Variants in PDE11A observed in about 807,000 individuals in gnomAD.
PDE11A encodes the protein dual 3',5'-cyclic-AMP and -GMP phosphodiesterase 11A.
In PDE11A, 100 loss-of-function variants were observed where a neutral mutation model predicts 100.5. That is an observed-to-expected ratio of 1.00 (90% CI 0.85 to 1.18). PDE11A has a LOEUF of 1.18. Ranked by LOEUF, PDE11A falls within the 50% of genes most tolerant of loss-of-function variation. PDE11A has a pLI of 0.00. For missense variants in PDE11A, 1,141 were observed against 1,152.6 expected, an observed-to-expected ratio of 0.99 and a Z score of 0.15; for synonymous variants, 381 against 420.8, an observed-to-expected ratio of 0.91 and a Z score of 1.16.
At chr2:177,856,606 T>G (rs1278664165) in intron 5 of PDE11A, among the ~76,000 whole-genome samples, 1 of 151,788 alleles carries the variant, frequency 6.6e-6, no homozygotes, top group African/African-American at 2.4e-5. Flanking sequence ...AAGAAATTAT[T>G]TAAAAGAACC....
chr2:177,662,774 A>C (rs1559132045), intron 19 of PDE11A, among the ~76,000 whole-genome samples: 1 of 152,226 alleles, frequency 6.6e-6, no homozygotes. Context: ...TATAAAACAA[A>C]AATGAATTTA....
intron 2 of PDE11A, among the ~76,000 whole-genome samples, chr2:178,080,134 G>T (rs775496711): frequency 1.3e-5 from 2 of 152,268 alleles, no homozygotes; most frequent in Middle Eastern, 6.8e-3. Context: ...TTGTGCAGAA[G>T]CTCTTTAGCT....
intron 2 of PDE11A, among the ~76,000 whole-genome samples, chr2:178,096,683 G>A (rs1480421772): frequency 6.6e-6 from 1 of 152,206 alleles, no homozygotes; most frequent in African/African-American, 2.4e-5. Context: ...ATTTACTGCA[G>A]TTCCTGATAA....
intron 5 of PDE11A, among the ~76,000 whole-genome samples, chr2:177,858,302 G>A (rs937271246): frequency 5.9e-5 from 9 of 151,670 alleles, no homozygotes; most frequent in Non-Finnish European, 1.2e-4. Context: ...CCATCAGAGT[G>A]AACAGGCAAC....
rs904049018 is a variant in PDE11A at position 178,038,152 on chromosome 2, A to G, written c.913-23692T>C. Among the ~76,000 whole-genome samples the G allele has an allele frequency of 2.4e-4, 37 of 152,192 alleles. 1 individual carries two copies. Among genetic ancestry groups the G allele is most frequent in the African/African-American group, 8.2e-4 (34 of 41,452 alleles). The stretch of plus-strand genomic sequence containing the variant: ...TATAATTGAAATAAAAAAACTGTAC[A>G]TATTTAACATATATGATTTTATTAG... On this transcript the variant is annotated intron_variant, in intron 1 of 19. Coordinates refer to ENST00000286063, the MANE Select transcript of PDE11A (RefSeq NM_016953.4).
chr2:177,789,743 T>C (rs1363356292), intron 9 of PDE11A, among the ~76,000 whole-genome samples: 4 of 151,994 alleles, frequency 2.6e-5, no homozygotes, highest in Admixed American at 1.3e-4. Flanking sequence ...TATACACCAA[T>C]AACAGACAAA....
chr2:178,082,724 G>A (rs1267587986), intron 2 of PDE11A, among the ~76,000 whole-genome samples: 1 of 152,218 alleles, frequency 6.6e-6, no homozygotes, highest in East Asian at 1.9e-4. Flanking sequence ...CAAGGGTGAT[G>A]TTTTTGCTCT....
chr2:177,718,719 A>AT (rs2105435920), intron 12 of PDE11A, among the ~76,000 whole-genome samples: 1 of 152,266 alleles, frequency 6.6e-6, no homozygotes, highest in Non-Finnish European at 1.5e-5. Flanking sequence ...GTTGGCTTAA[A>AT]TTTTTTCCTT....
intron 5 of PDE11A, among the ~76,000 whole-genome samples, chr2:177,841,483 T>C (rs2105625992): frequency 6.6e-6 from 1 of 152,346 alleles, no homozygotes; most frequent in South Asian, 2.1e-4. Context: ...AACTGCACTA[T>C]ATGTAAGAAA....
At chr2:178,062,450 G>T (rs1249522644) in intron 1 of PDE11A, among the ~76,000 whole-genome samples, 1 of 152,124 alleles carries the variant, frequency 6.6e-6, no homozygotes, top group Non-Finnish European at 1.5e-5. Context: ...ACAGGGAAGT[G>T]TGAGTAGCCA....
At chr2:177,908,814 A>C (rs2084831306) in intron 2 of PDE11A, among the ~76,000 whole-genome samples, 3 of 152,214 alleles carry the variant, frequency 2.0e-5, no homozygotes, top group African/African-American at 7.2e-5. Context: ...GTCAATCACA[A>C]ATCTCTTCAT....
intron 4 of PDE11A, among the ~76,000 whole-genome samples, chr2:177,887,408 T>C (rs191900971): frequency 6.6e-6 from 1 of 152,176 alleles, no homozygotes; most frequent in African/African-American, 2.4e-5. Flanking sequence ...AACATTTCAT[T>C]CTTGATTAAC....
chr2:177,847,867 G>C (rs1455442777), intron 5 of PDE11A, among the ~76,000 whole-genome samples: 1 of 152,034 alleles, frequency 6.6e-6, no homozygotes, highest in Admixed American at 6.5e-5. Context: ...GACATAGAGG[G>C]CAGGGCTGGG....
chr2:177,908,233 T>C (rs1245132950), intron 2 of PDE11A, among the ~76,000 whole-genome samples: 4 of 152,092 alleles, frequency 2.6e-5, no homozygotes, highest in African/African-American at 9.7e-5. Context: ...ATTATTCCAG[T>C]GTATGAGCAG....
chr2:177,828,759 G>A (rs953965127), intron 6 of PDE11A, among the ~76,000 whole-genome samples: 79 of 152,230 alleles, frequency 5.2e-4, no homozygotes, highest in African/African-American at 1.7e-3. Flanking sequence ...GTAAGGGATG[G>A]GGGTGGATGA....
intron 10 of PDE11A, among the ~76,000 whole-genome samples, chr2:177,750,738 A>G (rs1459641090): frequency 6.6e-6 from 1 of 152,230 alleles, no homozygotes. Context: ...TGTACAGTAA[A>G]GGCACCTGTT....
At chr2:177,998,156 T>G in intron 2 of PDE11A, 1 of 991,482 alleles carries the variant, frequency 1.0e-6, no homozygotes, top group Non-Finnish European at 1.6e-6. Context: ...CCACTTACTG[T>G]CTGTAAGCTT....
At chr2:177,868,903 AT>A (rs2084075929) in intron 5 of PDE11A, among the ~76,000 whole-genome samples, 1 of 152,118 alleles carries the variant, frequency 6.6e-6, no homozygotes, top group Admixed American at 6.6e-5. Flanking sequence ...GCCACTAGAA[AT>A]TTTTTCACTG....
At chr2:178,032,601 T>TC (rs2105842100) in intron 1 of PDE11A, among the ~76,000 whole-genome samples, 1 of 152,256 alleles carries the variant, frequency 6.6e-6, no homozygotes, top group African/African-American at 2.4e-5. Flanking sequence ...GCCTCCTTAC[T>TC]GGGAGAAACC....
Sources: gnomAD v4.1 joint callset for allele counts (sites outside exome capture counted in the v4.1 genomes callset) on GRCh38, gnomAD v4.1.1 for gene constraint, MANE v1.5 for transcripts, NCBI Gene and HGNC (gene_info 2026-07-23, HGNC 2026-07-21) for gene names.